RBFOX1: variants seen among roughly 807,000 people sequenced by gnomAD.
RBFOX1 encodes the protein RNA binding protein fox-1 homolog 1.
RBFOX1 carries 8 observed loss-of-function variants against 57.7 expected under a neutral mutation model. That is an observed-to-expected ratio of 0.14 (90% confidence interval 0.08 to 0.25). RBFOX1 has a LOEUF of 0.25. RBFOX1 is among the 10% of genes least tolerant of loss of function. The probability of loss-of-function intolerance (pLI) is 1.00; values close to 1 mark genes in which losing one functional copy is unlikely to be tolerated. For synonymous variants in RBFOX1, 326 were observed against 222.4 expected (o/e 1.47, Z -4.15); for missense variants, 611 against 548.5 (o/e 1.11, Z -1.14).
At chr16:7,353,061 G>C (rs1011652350) in intron 4 of RBFOX1, among the ~76,000 whole-genome samples, 1 of 152,108 alleles carries the variant, frequency 6.6e-6, no homozygotes. Flanking sequence ...TTGTGCATGA[G>C]TTACATAGTG....
chr16:7,596,738 C>A (rs1239657460), intron 8 of RBFOX1, among the ~76,000 whole-genome samples: 1 of 152,180 alleles, frequency 6.6e-6, no homozygotes, highest in African/African-American at 2.4e-5. Context: ...CGGTGCACAT[C>A]TTACTCAGAT....
chr16:6,765,023 GA>G (rs201378243), intron 3 of RBFOX1, among the ~76,000 whole-genome samples: 2,901 of 147,748 alleles, frequency 0.02, 46 homozygotes, highest in African/African-American at 0.027. Context: ...AAGGTTTTCA[GA>G]AAAAAAAAAA....
At chr16:5,413,249 C>T (rs1038917351) in intron 1 of RBFOX1, among the ~76,000 whole-genome samples, 8 of 152,160 alleles carry the variant, frequency 5.3e-5, no homozygotes, top group Non-Finnish European at 8.8e-5. Flanking sequence ...ACTGTTACAG[C>T]TTCTTCTAAT....
intron 1 of RBFOX1, among the ~76,000 whole-genome samples, chr16:6,144,595 T>G (rs930920137): frequency 6.6e-6 from 1 of 152,242 alleles, no homozygotes; most frequent in African/African-American, 2.4e-5. Flanking sequence ...TTGTAATGCA[T>G]CTGTAGCCAA....
intron 4 of RBFOX1, among the ~76,000 whole-genome samples, chr16:5,943,352 C>G (rs917573636): frequency 6.6e-5 from 10 of 152,204 alleles, no homozygotes; most frequent in Admixed American, 5.2e-4. Flanking sequence ...AATCATGGGG[C>G]TAAACCGTTG....
At chr16:7,326,189 C>T (rs183363087) in intron 4 of RBFOX1, among the ~76,000 whole-genome samples, 1 of 152,308 alleles carries the variant, frequency 6.6e-6, no homozygotes, top group East Asian at 1.9e-4. Context: ...GGCAGGCAAA[C>T]ACAGGGATTG....
intron 2 of RBFOX1, among the ~76,000 whole-genome samples, chr16:5,483,118 A>T (rs12919798): frequency 0.36 from 54,276 of 152,002 alleles, 10,708 homozygotes; most frequent in South Asian, 0.55. Flanking sequence ...AAAACATTTT[A>T]CAAAGCATGT....
chr16:6,914,932 T>C (rs1394555574), intron 3 of RBFOX1, among the ~76,000 whole-genome samples: 1 of 152,206 alleles, frequency 6.6e-6, no homozygotes. Context: ...CTCACTCACA[T>C]AACTTTTAGA....
intron 2 of RBFOX1, among the ~76,000 whole-genome samples, chr16:6,457,126 A>G (rs1363140328): frequency 6.6e-6 from 1 of 152,172 alleles, no homozygotes; most frequent in East Asian, 1.9e-4. Context: ...GAATGAAAAG[A>G]AAAGAAAATC....
At chr16:6,863,461 A>G (rs542790440) in intron 3 of RBFOX1, among the ~76,000 whole-genome samples, 1 of 152,038 alleles carries the variant, frequency 6.6e-6, no homozygotes, top group Non-Finnish European at 1.5e-5. Flanking sequence ...GCCTTCTGCT[A>G]CCTCTGAATT....
At chr16:7,392,587 G>T (rs1267896572) in intron 4 of RBFOX1, among the ~76,000 whole-genome samples, 1 of 152,116 alleles carries the variant, frequency 6.6e-6, no homozygotes, top group Non-Finnish European at 1.5e-5. Flanking sequence ...GTTTGTGATG[G>T]CCCCTCCTTC....
At chr16:7,279,735 C>T (rs1476724784) in intron 4 of RBFOX1, among the ~76,000 whole-genome samples, 2 of 152,222 alleles carry the variant, frequency 1.3e-5, no homozygotes, top group African/African-American at 2.4e-5. Flanking sequence ...CTGGTGTTGC[C>T]TGACCTGAAT....
At chr16:6,135,202 C>G (rs1275247152) in intron 1 of RBFOX1, among the ~76,000 whole-genome samples, 2 of 152,104 alleles carry the variant, frequency 1.3e-5, no homozygotes, top group Non-Finnish European at 2.9e-5. Context: ...GAAATGGGTC[C>G]TAAACAGCAA....
At chr16:6,915,143 C>G (rs1376482855) in intron 3 of RBFOX1, among the ~76,000 whole-genome samples, 6 of 152,160 alleles carry the variant, frequency 3.9e-5, no homozygotes, top group Non-Finnish European at 5.9e-5. Context: ...GCCATGCTCT[C>G]CAGACTCGGG....
chr16:7,390,519 A>G (rs1042022748), intron 4 of RBFOX1, among the ~76,000 whole-genome samples: 5 of 152,214 alleles, frequency 3.3e-5, no homozygotes, highest in Admixed American at 2.0e-4. Context: ...TCTTCACAAA[A>G]TTGTAAAGAC....
At chr16:7,247,502 G>A (rs1193387586) in intron 4 of RBFOX1, among the ~76,000 whole-genome samples, 1 of 152,090 alleles carries the variant, frequency 6.6e-6, no homozygotes, top group African/African-American at 2.4e-5. Flanking sequence ...CTAAAGTTGA[G>A]AATTACTAAT....
chr16:7,373,044 G>A (rs773929851), intron 4 of RBFOX1, among the ~76,000 whole-genome samples: 1 of 151,254 alleles, frequency 6.6e-6, no homozygotes, highest in Non-Finnish European at 1.5e-5. Flanking sequence ...CCATTCTCTT[G>A]CCTCAGCCTC....
intron 1 of RBFOX1, among the ~76,000 whole-genome samples, chr16:6,248,532 C>T (rs28400406): frequency 0.2 from 31,013 of 151,910 alleles, 3,944 homozygotes; most frequent in African/African-American, 0.36. Context: ...ATTGTCATGG[C>T]GGATGAGGTC....
At chr16:7,478,929 A>G (rs1182979791) in intron 4 of RBFOX1, among the ~76,000 whole-genome samples, 1 of 152,002 alleles carries the variant, frequency 6.6e-6, no homozygotes, top group East Asian at 1.9e-4. Flanking sequence ...GGAGAGTACC[A>G]TCATTTCGTT....
Sources: gnomAD v4.1 joint callset for allele counts (sites outside exome capture counted in the v4.1 genomes callset) on GRCh38, gnomAD v4.1.1 for gene constraint, MANE v1.5 for transcripts, NCBI Gene and HGNC (gene_info 2026-07-23, HGNC 2026-07-21) for gene names.